The following ARSK variants were observed in gnomAD, a reference collection of about 807,000 sequenced individuals.
ARSK encodes the protein arylsulfatase K.
ARSK carries 37 observed loss-of-function variants against 53.2 expected under a neutral mutation model. That is an observed-to-expected ratio of 0.70 (90% CI 0.54 to 0.92). The LOEUF (loss-of-function observed/expected upper bound fraction) is 0.92, where lower values mean the gene tolerates loss of function less well. Among genes scored for constraint, ARSK ranks in the 40% least tolerant of loss-of-function variants. The pLI, the probability that ARSK is intolerant of heterozygous loss-of-function variation, is 0.00. For missense variants in ARSK, 613 were observed against 643.0 expected, an observed-to-expected ratio of 0.95 and a Z score of 0.51; for synonymous variants, 208 against 223.2, an observed-to-expected ratio of 0.93 and a Z score of 0.61.
chr5:95,563,203 G>A (rs1748670539), intron 1 of ARSK, among the ~76,000 whole-genome samples: 1 of 152,114 alleles, frequency 6.6e-6, no homozygotes, highest in South Asian at 2.1e-4. Flanking sequence ...TTCGTTTAGA[G>A]TATTATTGAT....
intron 4 of ARSK, among the ~76,000 whole-genome samples, chr5:95,585,640 A>C (rs1156501275): frequency 6.6e-6 from 1 of 152,196 alleles, no homozygotes; most frequent in Non-Finnish European, 1.5e-5. Context: ...AGAATAATAC[A>C]GTGGACTTTG....
chr5:95,567,872 T>C lies in ARSK; in HGVS notation c.257-18T>C, dbSNP rs75485196. 4.9e-6 allele frequency: 2 copies of C among 409,170 alleles called. No individual in the cohort carries two copies. Among genetic ancestry groups the C allele is most frequent in the African/African-American group, 2.3e-5 (1 of 42,576 alleles). The allele number at this position is 409,170 out of a possible 1,614,324, so 25.3% of individuals were successfully genotyped here. ...TAAGCTTTACCTTAATCCCAATTCC[T>C]TTTTTTTTTTTTCTCAGCAATGTGG... On this transcript the variant is annotated intron_variant, in intron 2 of 7. Coordinates refer to ENST00000380009, the MANE Select transcript of ARSK (RefSeq NM_198150.3).
intron 4 of ARSK, among the ~76,000 whole-genome samples, chr5:95,586,335 C>T (rs1260812021): frequency 6.6e-6 from 1 of 152,094 alleles, no homozygotes; most frequent in East Asian, 1.9e-4. Flanking sequence ...AATTTTACCA[C>T]TATCTCATGA....
chr5:95,592,479 C>T (rs1323557826), intron 6 of ARSK, among the ~76,000 whole-genome samples: 3 of 152,126 alleles, frequency 2.0e-5, no homozygotes, highest in Non-Finnish European at 2.9e-5. Flanking sequence ...TTTAAACCAG[C>T]GTCCTTTCCT....
At chr5:95,568,928 A>G (rs1748777597) in intron 3 of ARSK, among the ~76,000 whole-genome samples, 1 of 152,244 alleles carries the variant, frequency 6.6e-6, no homozygotes, top group African/African-American at 2.4e-5. Context: ...TCTAATGAGC[A>G]GAAACAACAC....
chr5:95,570,783 C>CTT (rs59188205), intron 3 of ARSK, among the ~76,000 whole-genome samples: 75 of 142,512 alleles, frequency 5.3e-4, no homozygotes, highest in African/African-American at 1.8e-3. Flanking sequence ...ATATAACCAT[C>CTT]TTTTTTTTTT....
At chr5:95,575,356 G>GT (rs1332019555) in intron 3 of ARSK, among the ~76,000 whole-genome samples, 1 of 150,128 alleles carries the variant, frequency 6.7e-6, no homozygotes, top group Non-Finnish European at 1.5e-5. Context: ...TTGTTTGTTT[G>GT]TTTTTTCTTT....
Position 95,583,137 on chromosome 5 carries a change from C to T in ARSK, c.638C>T (p.Pro213Leu), listed in dbSNP as rs1217413410. 2.5e-6 allele frequency: 4 copies of T among 1,603,938 alleles called. No individual in the cohort carries two copies. The Admixed American group carries it at 6.7e-5, about 27-fold the overall frequency. The change falls in exon 4 of 8, where the codon CCA becomes CTA. Residue 213 changes from proline to leucine, a missense_variant. Pro to Leu is a moderately conservative substitution (Grantham distance 98, BLOSUM62 -3). Transcript: ENST00000380009. ...GLNLPHPYPS[P>L]SSGENFGSST... ...AATTTACCACACCCTTACCCTTCAC[C>T]ATCTTCTGGAGAAAATTTTGGATCT... is the stretch of plus-strand genomic sequence containing the variant.
chr5:95,578,289 C>T (rs1382670203), intron 3 of ARSK, among the ~76,000 whole-genome samples: 1 of 151,774 alleles, frequency 6.6e-6, no homozygotes, highest in Non-Finnish European at 1.5e-5. Context: ...GTAGCTAGGA[C>T]CACAGGCACA....
rs1208187115 is a variant in ARSK at position 95,603,233 on chromosome 5, TCAGA to T, written c.1322-3_1322del. The T allele has an allele frequency of 1.3e-5, 20 of 1,545,766 alleles. No individual in the cohort carries two copies. Among genetic ancestry groups the T allele is most frequent in the Middle Eastern group, 3.8e-4 (2 of 5,298 alleles). ...TTGACAGATACTTATTTTTTTTCTT[TCAGA>T]TCTTTCCTCGGATCCAGATGAATTA... On this transcript the variant is annotated splice_acceptor_variant and splice_polypyrimidine_tract_variant and coding_sequence_variant and intron_variant, in exon 8 of 8. Transcript: ENST00000380009. LOFTEE classifies it high-confidence loss of function.
At chr5:95,598,098 TATA>T (rs1749343770) in intron 6 of ARSK, among the ~76,000 whole-genome samples, 1 of 152,172 alleles carries the variant, frequency 6.6e-6, no homozygotes, top group East Asian at 1.9e-4. Context: ...CAGGAAGAAA[TATA>T]ATATCATCTC....
chr5:95,581,331 A>G (rs1045658837), intron 3 of ARSK, among the ~76,000 whole-genome samples: 1 of 152,234 alleles, frequency 6.6e-6, no homozygotes, highest in Non-Finnish European at 1.5e-5. Flanking sequence ...AATCACTGTT[A>G]TAGCAAAAGA....
At chr5:95,574,415 C>T (rs1186570941) in intron 3 of ARSK, among the ~76,000 whole-genome samples, 1 of 152,166 alleles carries the variant, frequency 6.6e-6, no homozygotes, top group Non-Finnish European at 1.5e-5. Flanking sequence ...TTTTGAGGAA[C>T]CTCCAAATGG....
At chr5:95,577,590 AC>A (rs758382810) in intron 3 of ARSK, among the ~76,000 whole-genome samples, 74 of 152,268 alleles carry the variant, frequency 4.9e-4, no homozygotes, top group Non-Finnish European at 9.7e-4. Context: ...ACTACATTAA[AC>A]ATGTATACTC....
chr5:95,586,787 C>T (rs150578933), intron 5 of ARSK, 54 bp downstream of exon 5: 2 of 1,440,212 alleles, frequency 1.4e-6, no homozygotes, highest in Non-Finnish European at 1.9e-6. Context: ...AATATTTTTC[C>T]AACAGTCTGT....
intron 3 of ARSK, among the ~76,000 whole-genome samples, chr5:95,581,108 C>T (rs976322775): frequency 1.3e-5 from 2 of 152,054 alleles, no homozygotes; most frequent in African/African-American, 4.8e-5. Flanking sequence ...TAGAGAATCA[C>T]GTATTATTTA....
intron 1 of ARSK, chr5:95,556,584 C>T (rs1381114763): frequency 4.4e-6 from 1 of 228,650 alleles, no homozygotes; most frequent in African/African-American, 2.3e-5. Context: ...GGCAATTGTT[C>T]ATTCCTAAAA....
chr5:95,587,738 C>A (rs1749145722), intron 5 of ARSK, among the ~76,000 whole-genome samples: 1 of 152,044 alleles, frequency 6.6e-6, no homozygotes, highest in African/African-American at 2.4e-5. Flanking sequence ...GAAACCCTGT[C>A]TCTACTAAAA....
At chr5:95,582,726 C>CT (rs1749038419) in intron 3 of ARSK, among the ~76,000 whole-genome samples, 190 bp from the exon 4 acceptor site, 2 of 151,942 alleles carry the variant, frequency 1.3e-5, no homozygotes, top group Admixed American at 6.6e-5. Context: ...CAATTCTTGG[C>CT]TTTTTTTCTA....
Sources: gnomAD v4.1 joint callset for allele counts (sites outside exome capture counted in the v4.1 genomes callset) on GRCh38, gnomAD v4.1.1 for gene constraint, MANE v1.5 for transcripts, NCBI Gene and HGNC (gene_info 2026-07-23, HGNC 2026-07-21) for gene names.